SHC3: variants seen among roughly 807,000 people sequenced by gnomAD.
The protein encoded by SHC3 is SHC-transforming protein 3.
Under a neutral mutation model 60.4 loss-of-function variants are expected in SHC3, and 15 were observed. That is an observed-to-expected ratio of 0.25 (90% CI 0.17 to 0.38). The LOEUF (loss-of-function observed/expected upper bound fraction) is 0.38, where lower values mean the gene tolerates loss of function less well. SHC3 is among the 10% of genes least tolerant of loss of function. The pLI is 1.00. For synonymous variants in SHC3, 294 were observed against 325.9 expected (o/e 0.90, Z 1.05); for missense variants, 677 against 786.1 (o/e 0.86, Z 1.66).
intron 1 of SHC3, among the ~76,000 whole-genome samples, chr9:89,166,699 A>T (rs79300774): frequency 0.012 from 1,832 of 152,246 alleles, 15 homozygotes; most frequent in South Asian, 0.037. Context: ...TGTTGATGTG[A>T]ATAAGAAGAG....
intron 11 of SHC3, among the ~76,000 whole-genome samples, chr9:89,027,293 T>C (rs1334552271): frequency 6.6e-6 from 1 of 151,668 alleles, no homozygotes; most frequent in African/African-American, 2.4e-5. Flanking sequence ...TTGAAGTTTT[T>C]GACAGTAGAC....
At position 89,110,382 on chromosome 9, in the gene SHC3, A is replaced by G. The variant is rs1023022648; in HGVS notation, c.545+2174T>C. On this transcript the variant is annotated intron_variant, in intron 2 of 11. Transcript: ENST00000375835. ...CCTGGTGCCTGTATAATATAACTTA[A>G]TTAGGACATTAGATTTCCCTATAAA... 23 of 984,970 alleles carry G rather than the reference A, an allele frequency of 2.3e-5. No individual in the cohort carries two copies. In the African/African-American group the frequency reaches 3.8e-4, roughly 16 times the overall value. The allele number at this position is 984,970 out of a possible 1,614,324, so 61.0% of individuals were successfully genotyped here. A position where few individuals can be genotyped will look rare whatever the true frequency, so the allele number is the denominator to read the frequency against.
chr9:89,175,782 A>C (rs1826934554), intron 1 of SHC3, among the ~76,000 whole-genome samples: 1 of 152,248 alleles, frequency 6.6e-6, no homozygotes, highest in African/African-American at 2.4e-5. Context: ...TTTTAAAGTA[A>C]GGATACCGGT....
chr9:89,133,575 G>T (rs917691183), intron 1 of SHC3, among the ~76,000 whole-genome samples: 1 of 152,166 alleles, frequency 6.6e-6, no homozygotes, highest in African/African-American at 2.4e-5. Flanking sequence ...GGAATACTAT[G>T]CAGCCATAAA....
At chr9:89,102,133 T>C (rs1825792258) in intron 2 of SHC3, among the ~76,000 whole-genome samples, 1 of 152,184 alleles carries the variant, frequency 6.6e-6, no homozygotes, top group Non-Finnish European at 1.5e-5. Flanking sequence ...CCCCTTATTA[T>C]TCTCTCAGTG....
intron 1 of SHC3, among the ~76,000 whole-genome samples, chr9:89,115,866 T>TA (rs1409663021): frequency 6.6e-6 from 1 of 152,174 alleles, no homozygotes; most frequent in Non-Finnish European, 1.5e-5. Flanking sequence ...CTCTTGCACT[T>TA]AGAGTAACAC....
chr9:89,009,139 G>C lies in SHC3; in HGVS notation c.*4308C>G, dbSNP rs9410439. The C allele has an allele frequency of 0.9, 137,172 of 152,288 alleles. 62,227 individuals carry two copies. Among genetic ancestry groups the C allele is most frequent in the Middle Eastern group, 0.95 (280 of 294 alleles). The allele number at this position is 152,288 out of a possible 1,614,324, so 9.4% of individuals were successfully genotyped here. A position where few individuals can be genotyped will look rare whatever the true frequency, so the allele number is the denominator to read the frequency against. ...TGCTCTTTTCTAAGTTGATCCCCAG[G>C]CCCTTGCATGGCTCCAGTTTCCTCT... On this transcript the variant is annotated 3_prime_UTR_variant, in exon 12 of 12. Transcript: ENST00000375835.
chr9:89,017,100 C>G (rs1438634084), intron 11 of SHC3, among the ~76,000 whole-genome samples: 2 of 152,138 alleles, frequency 1.3e-5, no homozygotes, highest in Non-Finnish European at 2.9e-5. Context: ...TCAATGCTAT[C>G]CCCATCAAGC....
At chr9:89,024,329 G>C (rs1826252423) in intron 11 of SHC3, among the ~76,000 whole-genome samples, 2 of 152,146 alleles carry the variant, frequency 1.3e-5, no homozygotes, top group South Asian at 4.1e-4. Context: ...CCAGGCTGGA[G>C]TGCAATGGTA....
At chr9:89,150,541 A>C (rs1330171308) in intron 1 of SHC3, among the ~76,000 whole-genome samples, 1 of 151,862 alleles carries the variant, frequency 6.6e-6, no homozygotes, top group Non-Finnish European at 1.5e-5. Context: ...TCAGTACTTC[A>C]CTCCTTTTTA....
At chr9:89,038,342 T>TAA (rs4061828) in intron 10 of SHC3, 54 bp from the exon 11 acceptor site, 142 of 1,231,898 alleles carry the variant, frequency 1.2e-4, no homozygotes, top group African/African-American at 1.0e-3. Context: ...GAGCAAATGA[T>TAA]AAAAAAAAAA....
chr9:89,019,391 A>C (rs1754846403), intron 11 of SHC3, among the ~76,000 whole-genome samples: 1 of 152,148 alleles, frequency 6.6e-6, no homozygotes, highest in South Asian at 2.1e-4. Flanking sequence ...AGAAGGCCTC[A>C]CCTACAGTGT....
chr9:89,030,752 C>G (rs1324380740), intron 11 of SHC3, among the ~76,000 whole-genome samples: 1 of 152,158 alleles, frequency 6.6e-6, no homozygotes. Context: ...TTCATTATTT[C>G]TCTTAACACT....
chr9:89,107,118 T>C (rs1043563015), intron 2 of SHC3, among the ~76,000 whole-genome samples: 24 of 152,152 alleles, frequency 1.6e-4, no homozygotes, highest in African/African-American at 4.6e-4. Context: ...GAGTGACCAC[T>C]TACATTCCAG....
chr9:89,094,103 C>CAA lies in SHC3; in HGVS notation c.546-16202_546-16201dup, dbSNP rs1160433992. Among the ~76,000 whole-genome samples the CAA allele has an allele frequency of 9.2e-3, 675 of 73,026 alleles. 6 individuals carry two copies. Among genetic ancestry groups the CAA allele is most frequent in the African/African-American group, 0.032 (626 of 19,558 alleles). The allele number at this position is 73,026 out of a possible 152,430, so 47.9% of individuals were successfully genotyped here. On this transcript the variant is annotated intron_variant, in intron 2 of 11. Transcript: ENST00000375835. ...TAGGGTACAGAGTAAGACTCTGTCT[C>CAA]AAAAAAAAAAAAAAAAAGAAAAGAA...
Position 89,012,438 on chromosome 9 carries a change from C to G in SHC3, c.*1009G>C, listed in dbSNP as rs960818193. The G allele has an allele frequency of 2.0e-5, 3 of 152,152 alleles. No individual in the cohort carries two copies. Among genetic ancestry groups the G allele is most frequent in the African/African-American group, 7.2e-5 (3 of 41,416 alleles). The allele number at this position is 152,152 out of a possible 1,614,324, so 9.4% of individuals were successfully genotyped here. On this transcript the variant is annotated 3_prime_UTR_variant, in exon 12 of 12. Coordinates refer to ENST00000375835, the MANE Select transcript of SHC3 (RefSeq NM_016848.6). Reference sequence around the variant, plus strand: ...TTTCTGGCACATGCAGCCCCAGAAGCCTCAATACCTGAGTCTTCGGGACTG... The same window carrying G: ...TTTCTGGCACATGCAGCCCCAGAAGGCTCAATACCTGAGTCTTCGGGACTG...
At chr9:89,112,450 A>G in intron 2 of SHC3, 106 bp downstream of exon 2, 1 of 1,204,896 alleles carries the variant, frequency 8.3e-7, no homozygotes, top group Non-Finnish European at 1.2e-6. Context: ...CCAGCCACTA[A>G]CCCTCCAAGG....
chr9:89,057,316 T>C (rs1824969064), intron 6 of SHC3, among the ~76,000 whole-genome samples: 2 of 2,626 alleles, frequency 7.6e-4, no homozygotes, highest in East Asian at 0.5. Flanking sequence ...TTCCTTTTTC[T>C]TTTTTTTTTT....
chr9:89,095,774 T>A (rs1373299437), intron 2 of SHC3, among the ~76,000 whole-genome samples: 2 of 152,154 alleles, frequency 1.3e-5, no homozygotes, highest in African/African-American at 2.4e-5. Flanking sequence ...CTGACTTTCA[T>A]ATTGATTTTC....
Sources: gnomAD v4.1 joint callset for allele counts (sites outside exome capture counted in the v4.1 genomes callset) on GRCh38, gnomAD v4.1.1 for gene constraint, MANE v1.5 for transcripts, NCBI Gene and HGNC (gene_info 2026-07-23, HGNC 2026-07-21) for gene names.